Variants in GPAT3 observed in about 807,000 individuals in gnomAD.
GPAT3 encodes 1-AGP acyltransferase 9.
A neutral mutation model predicts 58.8 loss-of-function variants in GPAT3; 53 were observed. The ratio of observed to expected loss-of-function variants is 0.90; its 90% confidence interval spans 0.72 to 1.13. The LOEUF (loss-of-function observed/expected upper bound fraction) is 1.13, where lower values mean the gene tolerates loss of function less well. Ranked by LOEUF, GPAT3 falls within the 50% of genes most tolerant of loss-of-function variation. The pLI is 0.00. For missense variants in GPAT3, 511 were observed against 527.6 expected, an observed-to-expected ratio of 0.97 and a Z score of 0.31; for synonymous variants, 197 against 187.4, an observed-to-expected ratio of 1.05 and a Z score of -0.42.
At chr4:83,587,693 T>C (rs902863279) in intron 4 of GPAT3, among the ~76,000 whole-genome samples, 2 of 152,216 alleles carry the variant, frequency 1.3e-5, no homozygotes, top group African/African-American at 4.8e-5. Context: ...CCCAAAGTGC[T>C]GGGATTACAG....
At chr4:83,535,633 T>C, upstream of GPAT3, 6 of 894,594 alleles carry the variant, frequency 6.7e-6, no homozygotes, top group Non-Finnish European at 8.0e-6. Context: ...AGCCGCAGGG[T>C]TTCTGTGCCA....
chr4:83,596,960 A>G (rs1438526996), intron 8 of GPAT3, 47 bp downstream of exon 8: 2 of 1,530,690 alleles, frequency 1.3e-6, no homozygotes, highest in African/African-American at 1.4e-5. Flanking sequence ...ACAACAAACC[A>G]TCAAAAGTGT....
intron 1 of GPAT3, among the ~76,000 whole-genome samples, chr4:83,542,323 C>T (rs909100114): frequency 2.0e-5 from 3 of 152,210 alleles, no homozygotes; most frequent in Non-Finnish European, 4.4e-5. Context: ...ACAGTTACCT[C>T]AGTTGAGAAA....
intron 3 of GPAT3, among the ~76,000 whole-genome samples, chr4:83,585,685 T>A (rs933114153): frequency 1.3e-5 from 2 of 151,960 alleles, no homozygotes; most frequent in Admixed American, 1.3e-4. Flanking sequence ...CTTGGCTCAC[T>A]GCAACCAACC....
chr4:83,603,464 T>A (rs1207175247), intron 11 of GPAT3, among the ~76,000 whole-genome samples: 1 of 152,212 alleles, frequency 6.6e-6, no homozygotes, highest in Non-Finnish European at 1.5e-5. Context: ...TAAATGATTA[T>A]AAATGCTGGA....
intron 11 of GPAT3, among the ~76,000 whole-genome samples, chr4:83,604,079 G>T (rs558749933): frequency 6.6e-6 from 1 of 152,150 alleles, no homozygotes; most frequent in East Asian, 1.9e-4. Context: ...TTGTTTGTTT[G>T]TTTGTTTTTG....
At chr4:83,574,461 C>A (rs1445913063) in intron 2 of GPAT3, among the ~76,000 whole-genome samples, 3 of 151,786 alleles carry the variant, frequency 2.0e-5, no homozygotes, top group Non-Finnish European at 4.4e-5. Flanking sequence ...CACAGGGGCA[C>A]AGGGCAGCTT....
chr4:83,579,853 A>G (rs939509155), intron 2 of GPAT3, among the ~76,000 whole-genome samples: 1 of 152,176 alleles, frequency 6.6e-6, no homozygotes, highest in Non-Finnish European at 1.5e-5. Context: ...GAACTATTAC[A>G]GCTCTTTCTA....
intron 2 of GPAT3, among the ~76,000 whole-genome samples, chr4:83,549,132 G>A (rs1724650849): frequency 6.8e-6 from 1 of 147,880 alleles, no homozygotes; most frequent in Non-Finnish European, 1.5e-5. Context: ...CCTGGAGTTT[G>A]AGTGTAGCCA....
rs184584853 is a variant in GPAT3, at chr4:83,590,172, C to T, written c.645-27C>T. On this transcript the variant is annotated intron_variant, in intron 5 of 11. Transcript: ENST00000264409. Reference sequence around the variant, plus strand: ...ATGCTGTGGCTATTTTAGAAGACTTCGAATTTTCCATTGTTTGTAATTGCA... The same window carrying T: ...ATGCTGTGGCTATTTTAGAAGACTTTGAATTTTCCATTGTTTGTAATTGCA... 1.4e-4 allele frequency: 218 copies of T among 1,600,756 alleles called. 1 individual carries two copies. Among genetic ancestry groups the T allele is most frequent in the Middle Eastern group, 5.0e-4 (3 of 6,022 alleles).
intron 2 of GPAT3, among the ~76,000 whole-genome samples, chr4:83,550,386 A>T (rs889775227): frequency 1.3e-5 from 2 of 151,942 alleles, no homozygotes; most frequent in African/African-American, 4.8e-5. Flanking sequence ...GTCTATCCCT[A>T]TTTGTGAATA....
chr4:83,571,163 A>C (rs1725590842), intron 2 of GPAT3, among the ~76,000 whole-genome samples: 1 of 152,184 alleles, frequency 6.6e-6, no homozygotes, highest in Non-Finnish European at 1.5e-5. Flanking sequence ...AATAATTGCT[A>C]TGGAGTATTC....
intron 10 of GPAT3, chr4:83,598,399 A>AG (rs2110110139): frequency 1.4e-6 from 1 of 717,974 alleles, no homozygotes; most frequent in African/African-American, 1.8e-5. Flanking sequence ...TTGAACCTAC[A>AG]GATATTATCT....
At chr4:83,558,989 G>T (rs1299015681) in intron 2 of GPAT3, among the ~76,000 whole-genome samples, 4 of 152,126 alleles carry the variant, frequency 2.6e-5, no homozygotes, top group African/African-American at 7.2e-5. Context: ...GGAACAAAAA[G>T]ATTGGCTTAA....
intron 1 of GPAT3, among the ~76,000 whole-genome samples, chr4:83,542,084 T>C (rs1724325918): frequency 6.6e-6 from 1 of 152,184 alleles, no homozygotes; most frequent in South Asian, 2.1e-4. Context: ...GGGACATAAT[T>C]CAGCCCATAA....
intron 2 of GPAT3, among the ~76,000 whole-genome samples, chr4:83,558,639 G>C (rs1419906852): frequency 1.3e-5 from 2 of 152,178 alleles, no homozygotes; most frequent in Non-Finnish European, 2.9e-5. Context: ...TGAGGGAATA[G>C]CTTAATTAGC....
At chr4:83,579,250 T>C in intron 2 of GPAT3, among the ~76,000 whole-genome samples, 1 of 131,408 alleles carries the variant, frequency 7.6e-6, no homozygotes, top group African/African-American at 2.9e-5. Context: ...TTTCTCCCTT[T>C]CCCTTCCCTT....
rs1560611144 is a variant in GPAT3 at position 83,562,217 on chromosome 4, ATATATATAATATATATATAAT to A, written c.208+17616_208+17636del. Among the ~76,000 whole-genome samples the A allele has an allele frequency of 1.1e-3, 84 of 78,732 alleles. 2 individuals carry two copies. The highest frequency in any genetic ancestry group is 5.5e-3 in the African/African-American group (80 of 14,658). 51.7% of individuals were successfully genotyped at this position (78,732 alleles called of 152,430 possible). ...TATATATAATATATATATATTATAT[ATATATATAATATATATATAAT>A]ATATATATATAAAATATAGTTTGGC... On this transcript the variant is annotated intron_variant, in intron 2 of 11. Transcript: ENST00000264409.
intron 2 of GPAT3, among the ~76,000 whole-genome samples, chr4:83,557,654 A>G (rs1416384792): frequency 1.3e-5 from 2 of 152,196 alleles, no homozygotes; most frequent in African/African-American, 4.8e-5. Flanking sequence ...CTTTCATGCA[A>G]TCCAGCAGAC....
Sources: gnomAD v4.1 joint callset for allele counts (sites outside exome capture counted in the v4.1 genomes callset) on GRCh38, gnomAD v4.1.1 for gene constraint, MANE v1.5 for transcripts, NCBI Gene and HGNC (gene_info 2026-07-23, HGNC 2026-07-21) for gene names.